PDS5A: variants seen among roughly 807,000 people sequenced by gnomAD.
The protein encoded by PDS5A is sister chromatid cohesion protein PDS5 homolog A.
Under a neutral mutation model 167.1 loss-of-function variants are expected in PDS5A, and 42 were observed. That is an observed-to-expected ratio of 0.25 (90% confidence interval 0.20 to 0.33). The LOEUF is 0.33. PDS5A is among the 10% of genes least tolerant of loss of function. The pLI, the probability that PDS5A is intolerant of heterozygous loss-of-function variation, is 1.00. For missense variants in PDS5A, 1,033 were observed against 1,605.9 expected, an observed-to-expected ratio of 0.64 and a Z score of 6.10; for synonymous variants, 553 against 554.6, an observed-to-expected ratio of 1.00 and a Z score of 0.04.
chr4:39,825,602 A>C, intron 32 of PDS5A, 114 bp from the exon 33 acceptor site: 1 of 771,850 alleles, frequency 1.3e-6, no homozygotes, highest in South Asian at 2.2e-5. Flanking sequence ...TTTTTTTTAA[A>C]CTTAAGCATC....
chr4:39,823,034 A>G lies in PDS5A; in HGVS notation c.*2451T>C, dbSNP rs982589688. On this transcript the variant is annotated 3_prime_UTR_variant, in exon 33 of 33. Transcript: ENST00000303538. ...AGAATATGCAAAACTACTTTACATT[A>G]TACACACTTTTTATCAAAGGAGATA... 3.3e-5 allele frequency: 5 copies of G among 152,618 alleles called. No individual in the cohort carries two copies. The highest frequency in any genetic ancestry group is 2.6e-4 in the Admixed American group (4 of 15,276). 9.5% of individuals were successfully genotyped at this position (152,618 alleles called of 1,614,324 possible). A position where few individuals can be genotyped will look rare whatever the true frequency, so the allele number is the denominator to read the frequency against.
At chr4:39,947,080 T>A (rs534756437) in intron 2 of PDS5A, among the ~76,000 whole-genome samples, 1 of 151,990 alleles carries the variant, frequency 6.6e-6, no homozygotes, top group Admixed American at 6.6e-5. Context: ...CTATCTCTAT[T>A]GAGAAAAAAA....
rs192271978 is a variant in PDS5A, at chr4:39,845,869, G to A, written c.3351C>T (p.Asn1117=). ...TCTCTTCTGAAATATAACTCTTATC[G>A]TTACAGAAGTCCTATTAAAAAAAAA... ...FFTQPEKDFC[N]DKSYISEETR... The change falls in exon 29 of 33, where the codon AAC becomes AAT. Residue 1117 remains asparagine, a synonymous_variant. Transcript: ENST00000303538. 1.4e-4 allele frequency: 194 copies of A among 1,352,746 alleles called. No homozygotes were observed. The highest frequency in any genetic ancestry group is 1.8e-4 in the Non-Finnish European group (186 of 1,039,868). 83.8% of individuals were successfully genotyped at this position (1,352,746 alleles called of 1,614,324 possible). A position where few individuals can be genotyped will look rare whatever the true frequency, so the allele number is the denominator to read the frequency against.
At chr4:39,954,692 A>C (rs1202450801) in intron 2 of PDS5A, among the ~76,000 whole-genome samples, 7 of 151,432 alleles carry the variant, frequency 4.6e-5, no homozygotes, top group Non-Finnish European at 1.5e-5. Context: ...AAAAAAAAAA[A>C]AAAAACAGAA....
chr4:39,828,156 G>A (rs1047453271), intron 32 of PDS5A, among the ~76,000 whole-genome samples: 6 of 152,072 alleles, frequency 3.9e-5, no homozygotes, highest in African/African-American at 1.4e-4. Flanking sequence ...TTTGCAAAAG[G>A]AATAACAAGT....
Position 39,849,540 on chromosome 4 carries a change from C to G in PDS5A, c.3199G>C (p.Asp1067His). The change falls in exon 27 of 33, where the codon GAT becomes CAT. Residue 1067 changes from aspartate to histidine, a missense_variant. Physicochemically the swap from Asp to His is moderately conservative, Grantham distance 81. Coordinates refer to ENST00000303538, the MANE Select transcript of PDS5A (RefSeq NM_001100399.2). ...IKLTRDAQSPDESKTNEKLYT... is the reference protein window; with the variant it reads ...IKLTRDAQSPHESKTNEKLYT... The stretch of plus-strand genomic sequence containing the variant: ...CTTACTTCATTTGTCTTGGATTCAT[C>G]TGGAGACTGGGCATCTCTGGTTAAC... 1 of 1,606,272 alleles carries G rather than the reference C, an allele frequency of 6.2e-7. No individual in the cohort carries two copies. Among genetic ancestry groups the G allele is most frequent in the Non-Finnish European group, 8.5e-7 (1 of 1,175,104 alleles).
At position 39,841,124 on chromosome 4, in the gene PDS5A, T is replaced by C. The variant is rs147288666; in HGVS notation, c.3657+824A>G. ...ATCTCTGGTGGGAATCAACAAACTT[T>C]TGAAATATTTCAAAAACTCTCAATT... On this transcript the variant is annotated intron_variant, in intron 31 of 32. Transcript: ENST00000303538. 3.9e-5 allele frequency among the ~76,000 whole-genome samples: 6 copies of C among 152,214 alleles called. No homozygotes were observed. In the East Asian group the frequency reaches 7.7e-4, roughly 20 times the overall value.
At chr4:39,893,959 G>C (rs996667496) in intron 16 of PDS5A, among the ~76,000 whole-genome samples, 1 of 152,176 alleles carries the variant, frequency 6.6e-6, no homozygotes, top group African/African-American at 2.4e-5. Flanking sequence ...TTACAACAGT[G>C]AGCCACCGCG....
chr4:39,973,559 T>C (rs762317181), intron 2 of PDS5A: 6 of 1,234,488 alleles, frequency 4.9e-6, no homozygotes, highest in South Asian at 1.2e-5. Flanking sequence ...AAGGCTATGA[T>C]GGAGGGTGGT....
At chr4:39,906,736 G>A (rs1410294631) in intron 11 of PDS5A, among the ~76,000 whole-genome samples, 1 of 151,326 alleles carries the variant, frequency 6.6e-6, no homozygotes, top group Non-Finnish European at 1.5e-5. Flanking sequence ...GGGTAACATA[G>A]TAACACACCA....
chr4:39,897,964 A>G, intron 16 of PDS5A: 18 of 832,938 alleles, frequency 2.2e-5, no homozygotes, highest in Non-Finnish European at 2.6e-5. Context: ...AAGAATGAAG[A>G]CAAAAGTCTA....
At chr4:39,953,949 A>C (rs577396012) in intron 2 of PDS5A, among the ~76,000 whole-genome samples, 17 of 152,322 alleles carry the variant, frequency 1.1e-4, no homozygotes, top group African/African-American at 3.8e-4. Flanking sequence ...TAATGAAGTC[A>C]GAATGCCTTG....
chr4:39,882,745 CAA>C (rs1229816468), intron 17 of PDS5A, among the ~76,000 whole-genome samples: 1 of 152,270 alleles, frequency 6.6e-6, no homozygotes, highest in Non-Finnish European at 1.5e-5. Context: ...AGCGAAAGAG[CAA>C]AGTCTTCAAA....
At chr4:39,916,812 G>A (rs1560481213) in intron 8 of PDS5A, among the ~76,000 whole-genome samples, 1 of 151,906 alleles carries the variant, frequency 6.6e-6, no homozygotes, top group Admixed American at 6.6e-5. Flanking sequence ...GTTGCAGTGA[G>A]CCGAGACTGC....
intron 18 of PDS5A, among the ~76,000 whole-genome samples, chr4:39,878,546 G>A (rs989001302): frequency 2.6e-5 from 4 of 151,834 alleles, no homozygotes; most frequent in African/African-American, 4.8e-5. Flanking sequence ...GCAGTGAGCC[G>A]AGATCATGCC....
In PDS5A at chr4:39,900,447, C is replaced by T. The variant is rs1230183451; in HGVS notation, c.1560G>A (p.Leu520=). The change falls in exon 14 of 33, where the codon TTG becomes TTA. Residue 520 remains leucine (L), a synonymous_variant. Coordinates refer to ENST00000303538, the MANE Select transcript of PDS5A (RefSeq NM_001100399.2). ...CTACTGTAGGCTGCTTGTGCAAATC[C>T]AATAGTTCGCGTACATGGCTCCGAA... ...NMLRSHVREL[L]DLHKQPTSEA... 1.9e-6 allele frequency: 3 copies of T among 1,580,992 alleles called. No individual in the cohort carries two copies. Among genetic ancestry groups the T allele is most frequent in the East Asian group, 2.3e-5 (1 of 44,104 alleles).
chr4:39,954,568 G>A (rs1032610382), intron 2 of PDS5A, among the ~76,000 whole-genome samples: 23 of 150,050 alleles, frequency 1.5e-4, no homozygotes, highest in African/African-American at 2.7e-4. Flanking sequence ...TGATCCACCC[G>A]CCTTGGCCTC....
At chr4:39,949,833 A>C (rs1216762181) in intron 2 of PDS5A, among the ~76,000 whole-genome samples, 1 of 150,884 alleles carries the variant, frequency 6.6e-6, no homozygotes, top group Non-Finnish European at 1.5e-5. Flanking sequence ...AAAAAAAAAA[A>C]AAGAAAAACA....
chr4:39,874,132 C>T (rs571600074), intron 20 of PDS5A, among the ~76,000 whole-genome samples, 157 bp downstream of exon 20: 5 of 152,186 alleles, frequency 3.3e-5, no homozygotes, highest in African/African-American at 9.6e-5. Flanking sequence ...GAATGCAGTA[C>T]CACATAAAAT....
Sources: gnomAD v4.1 joint callset for allele counts (sites outside exome capture counted in the v4.1 genomes callset) on GRCh38, gnomAD v4.1.1 for gene constraint, MANE v1.5 for transcripts, NCBI Gene and HGNC (gene_info 2026-07-23, HGNC 2026-07-21) for gene names.